Variants in PTPRC observed in about 807,000 individuals in gnomAD.
PTPRC encodes the protein protein tyrosine phosphatase receptor type C.
Under a neutral mutation model 155.9 loss-of-function variants are expected in PTPRC, and 44 were observed. That is an observed-to-expected ratio of 0.28 (90% CI 0.22 to 0.36). The LOEUF (loss-of-function observed/expected upper bound fraction) is 0.36, where lower values mean the gene tolerates loss of function less well. PTPRC is among the 10% of genes least tolerant of loss of function. The probability of loss-of-function intolerance (pLI) is 1.00; values close to 1 mark genes in which losing one functional copy is unlikely to be tolerated. For synonymous variants in PTPRC, 525 were observed against 533.1 expected (o/e 0.98, Z 0.21); for missense variants, 1,401 against 1,564.6 (o/e 0.90, Z 1.76).
chr1:198,708,107 A>T, intron 9 of PTPRC, 26 bp from the exon 10 acceptor site: 2 of 1,586,242 alleles, frequency 1.3e-6, no homozygotes, highest in Non-Finnish European at 1.7e-6. Flanking sequence ...ATACTAATCA[A>T]GTTTATTTCT....
chr1:198,749,048 T>G (rs1655261132), intron 27 of PTPRC, among the ~76,000 whole-genome samples: 1 of 151,656 alleles, frequency 6.6e-6, no homozygotes, highest in Non-Finnish European at 1.5e-5. Flanking sequence ...TACTGGAGTA[T>G]AATTGAGGGA....
chr1:198,690,542 A>G (rs1665870156), intron 2 of PTPRC, among the ~76,000 whole-genome samples: 1 of 152,114 alleles, frequency 6.6e-6, no homozygotes, highest in South Asian at 2.1e-4. Context: ...ATAATTATGT[A>G]TCACCCATCA....
At chr1:198,688,555 ATTAAC>A (rs1468244468) in intron 2 of PTPRC, among the ~76,000 whole-genome samples, 1 of 152,190 alleles carries the variant, frequency 6.6e-6, no homozygotes, top group Non-Finnish European at 1.5e-5. Flanking sequence ...TCTGTAATAA[ATTAAC>A]TTGACACACC....
At chr1:198,693,008 C>G in intron 3 of PTPRC, 1 of 938,322 alleles carries the variant, frequency 1.1e-6, no homozygotes, top group Non-Finnish European at 1.3e-6. Context: ...TATCACATCA[C>G]TTAACTGATG....
chr1:198,756,309 T>G lies in PTPRC; in HGVS notation c.*128T>G. On this transcript the variant is annotated 3_prime_UTR_variant, in exon 33 of 33. Coordinates refer to ENST00000442510, the MANE Select transcript of PTPRC (RefSeq NM_002838.5). Reference sequence around the variant, plus strand: ...CAGCGAACCAATATTTGTAGAAGGGTTATATTTTACTACTGTGGAAAAATA... The same window carrying G: ...CAGCGAACCAATATTTGTAGAAGGGGTATATTTTACTACTGTGGAAAAATA... 2 of 1,242,856 alleles carry G rather than the reference T, an allele frequency of 1.6e-6. No individual in the cohort carries two copies. The highest frequency in any genetic ancestry group is 2.3e-6 in the Non-Finnish European group (2 of 884,824). 77.0% of individuals were successfully genotyped at this position (1,242,856 alleles called of 1,614,324 possible). A position where few individuals can be genotyped will look rare whatever the true frequency, so the allele number is the denominator to read the frequency against.
intron 3 of PTPRC, chr1:198,693,294 T>C: frequency 2.4e-6 from 1 of 415,154 alleles, no homozygotes; most frequent in Non-Finnish European, 3.2e-6. Flanking sequence ...AAAGAAGGTC[T>C]AACACAATTT....
chr1:198,732,465 C>A lies in PTPRC; in HGVS notation c.2066-15C>A. The stretch of plus-strand genomic sequence containing the variant: ...TTCACTATTTCACTTGTTTATTTTT[C>A]TTTTCCTTAAACAGATGATTATAAC... On this transcript the variant is annotated splice_polypyrimidine_tract_variant and intron_variant, in intron 19 of 32. Coordinates refer to ENST00000442510, the MANE Select transcript of PTPRC (RefSeq NM_002838.5). 2 of 1,608,712 alleles carry A rather than the reference C, an allele frequency of 1.2e-6. No individual in the cohort carries two copies. The highest frequency in any genetic ancestry group is 1.7e-6 in the Non-Finnish European group (2 of 1,175,982).
intron 2 of PTPRC, among the ~76,000 whole-genome samples, chr1:198,673,952 A>G (rs1012472698): frequency 2.6e-5 from 4 of 152,268 alleles, no homozygotes; most frequent in Admixed American, 2.6e-4. Flanking sequence ...GATGAATTAT[A>G]TATGCATCTA....
chr1:198,688,025 C>T (rs1391327842), intron 2 of PTPRC, among the ~76,000 whole-genome samples: 2 of 151,616 alleles, frequency 1.3e-5, no homozygotes, highest in Non-Finnish European at 2.9e-5. Flanking sequence ...TAAGTCTAAA[C>T]AGTGATGCTG....
intron 23 of PTPRC, among the ~76,000 whole-genome samples, chr1:198,741,448 T>C (rs982465900): frequency 6.6e-6 from 1 of 151,828 alleles, no homozygotes; most frequent in Non-Finnish European, 1.5e-5. Flanking sequence ...TTTTAAACAG[T>C]TGTGAGAATG....
intron 2 of PTPRC, among the ~76,000 whole-genome samples, chr1:198,650,019 T>A (rs1390658668): frequency 6.6e-6 from 1 of 151,786 alleles, no homozygotes; most frequent in Non-Finnish European, 1.5e-5. Flanking sequence ...ACCTGTTGGC[T>A]GACAAGAATA....
rs1294347017 is a variant in PTPRC at position 198,754,298 on chromosome 1, G to A, written c.3539G>A (p.Cys1180Tyr). The A allele has an allele frequency of 5.0e-6, 8 of 1,611,432 alleles. 1 individual carries two copies. In the South Asian group the frequency reaches 7.7e-5, roughly 15 times the overall value. The change falls in exon 32 of 33, where the codon TGT becomes TAT. Residue 1180 changes from cysteine to tyrosine, a missense_variant. Physicochemically the swap from Cys to Tyr is radical, Grantham distance 194. Coordinates refer to ENST00000442510, the MANE Select transcript of PTPRC (RefSeq NM_002838.5). ...GGATCTCAGCAAACGGGAATATTTTGTGCTTTGTTAAATCTCTTAGAAAGT... is the reference window on the plus strand; with the variant it reads ...GGATCTCAGCAAACGGGAATATTTTATGCTTTGTTAAATCTCTTAGAAAGT... ...RDGSQQTGIF[C>Y]ALLNLLESAE...
intron 25 of PTPRC, among the ~76,000 whole-genome samples, chr1:198,743,478 A>G (rs1477306815): frequency 2.6e-5 from 4 of 151,888 alleles, no homozygotes. Flanking sequence ...GGTGGCGGTT[A>G]AAGAGGATTA....
intron 2 of PTPRC, among the ~76,000 whole-genome samples, chr1:198,655,984 A>T (rs923609454): frequency 2.0e-5 from 3 of 152,022 alleles, no homozygotes; most frequent in African/African-American, 7.2e-5. Flanking sequence ...ACTAAGCATC[A>T]CTCACCATGA....
chr1:198,714,334 T>TAC (rs200939563), intron 12 of PTPRC, among the ~76,000 whole-genome samples: 2,496 of 152,292 alleles, frequency 0.016, 34 homozygotes, highest in Middle Eastern at 0.02. Flanking sequence ...TTTATATTTT[T>TAC]ACAGTTTTTT....
intron 25 of PTPRC, among the ~76,000 whole-genome samples, chr1:198,742,577 A>G (rs1277101977): frequency 6.6e-6 from 1 of 151,918 alleles, no homozygotes; most frequent in Non-Finnish European, 1.5e-5. Flanking sequence ...AAAGATGACC[A>G]CAAAATATAT....
chr1:198,711,838 C>T (rs10800584), intron 11 of PTPRC, among the ~76,000 whole-genome samples: 61,552 of 152,034 alleles, frequency 0.4, 13,681 homozygotes, highest in African/African-American at 0.59. Flanking sequence ...AAAGAGGATA[C>T]ACAGGTGGTT....
Position 198,756,527 on chromosome 1 carries a change from C to CTTTG in PTPRC, c.*350_*353dup, listed in dbSNP as rs954374756. Reference sequence around the variant, plus strand: ...GTGAATCTAAAAGCTTTTGCTTTTCCTTTGTTTTTATGAAGAAAAAATACA... The same window carrying CTTTG: ...GTGAATCTAAAAGCTTTTGCTTTTCCTTTGTTTGTTTTTATGAAGAAAAAATACA... On this transcript the variant is annotated 3_prime_UTR_variant, in exon 33 of 33. Transcript: ENST00000442510. 1.5e-3 allele frequency: 308 copies of CTTTG among 203,590 alleles called. 1 individual carries two copies. Among genetic ancestry groups the CTTTG allele is most frequent in the African/African-American group, 7.0e-3 (298 of 42,570 alleles). The allele number at this position is 203,590 out of a possible 1,614,324, so 12.6% of individuals were successfully genotyped here.
intron 29 of PTPRC, among the ~76,000 whole-genome samples, chr1:198,751,174 TC>T (rs1286134301): frequency 1.3e-5 from 2 of 152,014 alleles, no homozygotes; most frequent in Admixed American, 6.6e-5. Flanking sequence ...AAGACCAAAC[TC>T]CTGAAAAATG....
Sources: allele counts gnomAD v4.1 joint callset (sites outside exome capture counted in the v4.1 genomes callset), GRCh38; gene constraint gnomAD v4.1.1; transcripts MANE v1.5; gene names NCBI Gene and HGNC (gene_info 2026-07-23, HGNC 2026-07-21).